The following DPPA2 variants were observed in gnomAD, a reference collection of about 807,000 sequenced individuals.
The protein encoded by DPPA2 is developmental pluripotency-associated protein 2.
Under a neutral mutation model 36.2 loss-of-function variants are expected in DPPA2, and 26 were observed. That is an observed-to-expected ratio of 0.72 (90% CI 0.53 to 1.00). DPPA2 has a LOEUF of 1.00. Among genes scored for constraint, DPPA2 ranks in the 50% least tolerant of loss-of-function variants. The pLI is 0.00. For synonymous variants in DPPA2, 113 were observed against 123.2 expected (o/e 0.92, Z 0.55); for missense variants, 361 against 365.1 (o/e 0.99, Z 0.09).
intron 2 of DPPA2, among the ~76,000 whole-genome samples, chr3:109,313,562 AG>A (rs1707743864): frequency 6.6e-6 from 1 of 152,214 alleles, no homozygotes; most frequent in Non-Finnish European, 1.5e-5. Context: ...TAATTCTCAT[AG>A]TATACTTGTA....
chr3:109,300,480 G>A lies in DPPA2; in HGVS notation c.855-45C>T, dbSNP rs773575302. ...GAACTGTGAAATATTGCTACAGCAA[G>A]GTAAACCATCCCTTACCAATCCCTT... On this transcript the variant is annotated intron_variant, in intron 7 of 8. Coordinates refer to ENST00000478945, the MANE Select transcript of DPPA2 (RefSeq NM_138815.4). 7.0e-6 allele frequency: 11 copies of A among 1,577,028 alleles called. No individual in the cohort carries two copies. The Middle Eastern group carries it at 1.3e-3, about 191-fold the overall frequency.
intron 2 of DPPA2, 37 bp downstream of exon 2, chr3:109,314,473 A>T (rs758012460): frequency 1.2e-6 from 2 of 1,602,446 alleles, no homozygotes; most frequent in South Asian, 2.2e-5. Context: ...CTGAAAAGCG[A>T]CTGTGAGAAA....
intron 2 of DPPA2, among the ~76,000 whole-genome samples, chr3:109,313,716 A>T (rs1707745752): frequency 6.6e-6 from 1 of 152,100 alleles, no homozygotes; most frequent in African/African-American, 2.4e-5. Flanking sequence ...TCCTATTGCA[A>T]TATTCTCTTC....
chr3:109,310,211 A>G (rs1025049542), intron 3 of DPPA2, among the ~76,000 whole-genome samples: 64 of 141,402 alleles, frequency 4.5e-4, no homozygotes, highest in African/African-American at 1.7e-3. Context: ...CTGGGCAACA[A>G]GAGTAAAACT....
chr3:109,305,168 T>TAATAA (rs1264441810), intron 6 of DPPA2, among the ~76,000 whole-genome samples: 2 of 151,802 alleles, frequency 1.3e-5, no homozygotes, highest in African/African-American at 2.4e-5. Flanking sequence ...ATACTAATAA[T>TAATAA]AATAAAATAA....
intron 7 of DPPA2, among the ~76,000 whole-genome samples, chr3:109,301,845 ACGGTGAT>A (rs1422572175): frequency 6.6e-6 from 1 of 152,120 alleles, no homozygotes; most frequent in African/African-American, 2.4e-5. Flanking sequence ...TCAGCTAATG[ACGGTGAT>A]CAACATGTCC....
chr3:109,300,366 C>T lies in DPPA2; in HGVS notation c.*22+5G>A, dbSNP rs765812731. On this transcript the variant is annotated splice_donor_5th_base_variant and intron_variant, in intron 8 of 8. Transcript: ENST00000478945. ...ATTTTGAGGTGGCATATTCTCATCT[C>T]TTACATTGTATTCAAACAGGTTGCT... The T allele has an allele frequency of 5.0e-6, 8 of 1,609,074 alleles. No individual in the cohort carries two copies. Among genetic ancestry groups the T allele is most frequent in the Non-Finnish European group, 6.8e-6 (8 of 1,175,770 alleles).
intron 8 of DPPA2, 35 bp downstream of exon 8, chr3:109,300,336 T>G: frequency 6.6e-7 from 1 of 1,511,076 alleles, no homozygotes; most frequent in East Asian, 2.3e-5. Flanking sequence ...ATCAAAATAA[T>G]ACTTATTTTG....
rs1270254521 is a variant in DPPA2 at position 109,310,122 on chromosome 3, G to GGA, written c.182-794_182-793dup. ...ACATGCCTGTAATCCCAGCTACTAG[G>GGA]GAGGCTGAGGCAGGAGAATCGCTTG... On this transcript the variant is annotated intron_variant, in intron 3 of 8. Transcript: ENST00000478945. Among the ~76,000 whole-genome samples, 4 of 151,820 alleles carry GGA rather than the reference G, an allele frequency of 2.6e-5. No individual in the cohort carries two copies. The East Asian group carries it at 7.8e-4, about 30-fold the overall frequency.
Position 109,309,169 on chromosome 3 carries a change from C to G in DPPA2, c.342+1G>C, listed in dbSNP as rs749430973. The G allele has an allele frequency of 6.2e-7, 1 of 1,614,176 alleles. No individual in the cohort carries two copies. Among genetic ancestry groups the G allele is most frequent in the Non-Finnish European group, 8.5e-7 (1 of 1,180,028 alleles). On this transcript the variant is annotated splice_donor_variant, in intron 4 of 8. Transcript: ENST00000478945. LOFTEE classifies it high-confidence loss of function. ...GCAGATATTCACCCAAGTGTACTAA[C>G]CTTGCCATTAGTACTCAAACCGAGT...
chr3:109,300,082 C>A (rs919858526), intron 8 of DPPA2, among the ~76,000 whole-genome samples: 4 of 152,104 alleles, frequency 2.6e-5, no homozygotes, highest in African/African-American at 9.7e-5. Flanking sequence ...AAAACAAAAC[C>A]AAATTGTATT....
At position 109,301,567 on chromosome 3, in the gene DPPA2, G is replaced by T. The variant is rs1030511056; in HGVS notation, c.855-1132C>A. Among the ~76,000 whole-genome samples, 6 of 151,900 alleles carry T rather than the reference G, an allele frequency of 3.9e-5. No individual in the cohort carries two copies. In the South Asian group the frequency reaches 1.2e-3, roughly 32 times the overall value. On this transcript the variant is annotated intron_variant, in intron 7 of 8. Coordinates refer to ENST00000478945, the MANE Select transcript of DPPA2 (RefSeq NM_138815.4). ...CTCCGGAGGCTGAGGCAGGAGAATC[G>T]CTTGAACCTGGGAGGCAGAGGTTGC... is the stretch of plus-strand genomic sequence containing the variant.
intron 7 of DPPA2, among the ~76,000 whole-genome samples, chr3:109,303,494 C>T (rs943769707): frequency 8.6e-5 from 13 of 151,852 alleles, no homozygotes; most frequent in African/African-American, 2.4e-4. Context: ...CTCAGTCTCC[C>T]GAGTAGCTGG....
chr3:109,310,090 T>C (rs1319315691), intron 3 of DPPA2, among the ~76,000 whole-genome samples: 3 of 150,814 alleles, frequency 2.0e-5, no homozygotes, highest in Non-Finnish European at 1.5e-5. Context: ...TAGCCAGGTG[T>C]GGTGGCACAT....
intron 3 of DPPA2, among the ~76,000 whole-genome samples, chr3:109,311,550 G>T (rs1171566039): frequency 6.6e-6 from 1 of 152,082 alleles, no homozygotes; most frequent in Non-Finnish European, 1.5e-5. Flanking sequence ...GACCAGCCTG[G>T]ACAACGTGGC....
chr3:109,309,911 G>A (rs548798563), intron 3 of DPPA2, among the ~76,000 whole-genome samples: 72 of 151,636 alleles, frequency 4.7e-4, no homozygotes, highest in Middle Eastern at 6.8e-3. Context: ...GTAAAACCCC[G>A]TCTCTACTAA....
Position 109,293,905 on chromosome 3 carries a change from G to T in DPPA2, c.*122C>A, listed in dbSNP as rs910329087. 7.9e-5 allele frequency: 12 copies of T among 152,148 alleles called. No homozygotes were observed. Among genetic ancestry groups the T allele is most frequent in the Admixed American group, 7.9e-4 (12 of 15,264 alleles). The allele number at this position is 152,148 out of a possible 1,614,324, so 9.4% of individuals were successfully genotyped here. On this transcript the variant is annotated 3_prime_UTR_variant, in exon 9 of 9. Transcript: ENST00000478945. Reference sequence around the variant, plus strand: ...TTCACTGTGGAGTCCTAGTCACTATGATTTTGTTTTGTAGATCATGAGGAT... The same window carrying T: ...TTCACTGTGGAGTCCTAGTCACTATTATTTTGTTTTGTAGATCATGAGGAT...
At chr3:109,307,603 C>CAAAA (rs769445059) in intron 6 of DPPA2, among the ~76,000 whole-genome samples, 21 of 43,802 alleles carry the variant, frequency 4.8e-4, no homozygotes, top group East Asian at 1.5e-3. Context: ...AACTCCATCT[C>CAAAA]AAAAAAAAAA....
intron 6 of DPPA2, among the ~76,000 whole-genome samples, chr3:109,306,563 T>A (rs1707569468): frequency 6.6e-6 from 1 of 151,866 alleles, no homozygotes; most frequent in South Asian, 2.1e-4. Context: ...AAAAAAGGAT[T>A]CAAGCCAAAA....
Sources: allele counts gnomAD v4.1 joint callset (sites outside exome capture counted in the v4.1 genomes callset), GRCh38; gene constraint gnomAD v4.1.1; transcripts MANE v1.5; gene names NCBI Gene and HGNC (gene_info 2026-07-23, HGNC 2026-07-21).